Variants in UNC80 observed in about 807,000 individuals in gnomAD.
UNC80 encodes the protein unc-80 subunit of NALCN channel complex, also known as protein unc-80 homolog.
A neutral mutation model predicts 384.6 loss-of-function variants in UNC80; 164 were observed. The ratio of observed to expected loss-of-function variants is 0.43; its 90% CI spans 0.38 to 0.49. The LOEUF (loss-of-function observed/expected upper bound fraction) is 0.49, where lower values mean the gene tolerates loss of function less well. Ranked by LOEUF, UNC80 falls within the 20% of genes least tolerant of loss-of-function variation. UNC80 has a pLI of 0.00. For missense variants in UNC80, 3,330 were observed against 4,143.0 expected (o/e 0.80, Z 5.39); for synonymous variants, 1,486 against 1,527.8 (o/e 0.97, Z 0.64).
chr2:209,794,741 A>G, intron 7 of UNC80: 1 of 452,552 alleles, frequency 2.2e-6, no homozygotes, highest in Non-Finnish European at 4.4e-6. Flanking sequence ...TGGGTTTATC[A>G]GGGGTTTCCA....
At chr2:209,780,719 C>T (rs1247087570) in intron 4 of UNC80, among the ~76,000 whole-genome samples, 7 of 152,138 alleles carry the variant, frequency 4.6e-5, no homozygotes, top group African/African-American at 1.7e-4. Context: ...GGGAATTGGT[C>T]CTGATTGAGA....
At chr2:209,783,931 T>G (rs1444472818) in intron 4 of UNC80, among the ~76,000 whole-genome samples, 1 of 152,160 alleles carries the variant, frequency 6.6e-6, no homozygotes, top group African/African-American at 2.4e-5. Flanking sequence ...GGGTTACTCT[T>G]CTCTTAACTC....
At chr2:209,943,321 C>T (rs78392685) in intron 44 of UNC80, 59 bp from the exon 45 acceptor site, 40,200 of 1,537,100 alleles carry the variant, frequency 0.026, 1,243 homozygotes, top group South Asian at 0.13. Flanking sequence ...GTTTTAAAAG[C>T]GAGTACAACT....
At chr2:209,848,030 C>T (rs1243525362) in intron 21 of UNC80, among the ~76,000 whole-genome samples, 2 of 151,632 alleles carry the variant, frequency 1.3e-5, no homozygotes, top group Non-Finnish European at 2.9e-5. Context: ...ACTTTATATA[C>T]TATTAAAGGG....
chr2:209,919,971 C>T (rs948781890), intron 33 of UNC80, among the ~76,000 whole-genome samples: 4 of 152,082 alleles, frequency 2.6e-5, no homozygotes, highest in Middle Eastern at 3.2e-3. Context: ...TATAATAAAC[C>T]AGCTTAGCTA....
chr2:209,811,694 C>T (rs1371703466), intron 7 of UNC80, among the ~76,000 whole-genome samples: 1 of 152,180 alleles, frequency 6.6e-6, no homozygotes, highest in Non-Finnish European at 1.5e-5. Context: ...GTTTGAACTT[C>T]AGTTTATATT....
rs532412229 is a variant in UNC80, at chr2:209,922,393, C to T, written c.5662+10C>T. ...GCCGTCAGTGCTGAAGGTGTGTCCT[C>T]TTGCATACGTTTTATTTCTCCTGAC... On this transcript the variant is annotated intron_variant, in intron 35 of 64. Coordinates refer to ENST00000673920, the MANE Select transcript of UNC80 (RefSeq NM_001371986.1). The T allele has an allele frequency of 1.3e-6, 2 of 1,550,530 alleles. No homozygotes were observed. The highest frequency in any genetic ancestry group is 1.7e-6 in the Non-Finnish European group (2 of 1,146,228).
intron 21 of UNC80, 98 bp from the exon 22 acceptor site, chr2:209,849,353 G>T: frequency 2.2e-6 from 3 of 1,378,872 alleles, no homozygotes; most frequent in Non-Finnish European, 3.0e-6. Context: ...GGCCAACACT[G>T]TAGAAAACAC....
chr2:209,772,444 G>A (rs1158899875), intron 1 of UNC80, among the ~76,000 whole-genome samples: 1 of 152,026 alleles, frequency 6.6e-6, no homozygotes. Flanking sequence ...AGCCTGGGAA[G>A]AGGGGGCGGG....
chr2:209,880,945 C>G lies in UNC80; in HGVS notation c.3977-16C>G. 6.4e-7 allele frequency: 1 copy of G among 1,550,520 alleles called. No homozygotes were observed. The highest frequency in any genetic ancestry group is 1.2e-5 in the South Asian group (1 of 83,866). ...GTTGATTTGTCTCCTTATGAAAGAACACTTTCATTTCCTAGGTACTGTGAA... is the reference window on the plus strand; with the variant it reads ...GTTGATTTGTCTCCTTATGAAAGAAGACTTTCATTTCCTAGGTACTGTGAA... On this transcript the variant is annotated splice_polypyrimidine_tract_variant and intron_variant, in intron 24 of 64. Transcript: ENST00000673920.
At chr2:209,805,158 A>G (rs1364442390) in intron 7 of UNC80, among the ~76,000 whole-genome samples, 3 of 152,216 alleles carry the variant, frequency 2.0e-5, no homozygotes, top group Non-Finnish European at 4.4e-5. Context: ...GGCACCTTCA[A>G]CATTTTATTT....
intron 52 of UNC80, chr2:209,968,803 C>T (rs913761828): frequency 6.6e-6 from 1 of 152,016 alleles, no homozygotes; most frequent in African/African-American, 2.4e-5. Flanking sequence ...TTATGCTTCC[C>T]GAAAGTAGAT....
intron 39 of UNC80, among the ~76,000 whole-genome samples, chr2:209,935,310 G>A (rs1481969450): frequency 6.6e-6 from 1 of 152,104 alleles, no homozygotes; most frequent in Non-Finnish European, 1.5e-5. Flanking sequence ...AATTATGCAT[G>A]TAAAAGACAG....
intron 7 of UNC80, among the ~76,000 whole-genome samples, chr2:209,808,630 C>T (rs2153826856): frequency 6.6e-6 from 1 of 152,154 alleles, no homozygotes; most frequent in South Asian, 2.1e-4. Context: ...AGGCACGCCT[C>T]CAATTGGCGC....
chr2:209,788,210 A>C (rs1462428238), intron 5 of UNC80, among the ~76,000 whole-genome samples: 1 of 152,176 alleles, frequency 6.6e-6, no homozygotes, highest in South Asian at 2.1e-4. Flanking sequence ...TGAGGTCAGG[A>C]GTTAGAGACC....
chr2:209,786,132 C>T lies in UNC80; in HGVS notation c.667C>T (p.Gln223Ter). The T allele has an allele frequency of 6.2e-7, 1 of 1,614,096 alleles. No homozygotes were observed. The highest frequency in any genetic ancestry group is 8.5e-7 in the Non-Finnish European group (1 of 1,179,990). Reference protein sequence around the residue: ...VIWQPMWEHRQPGVSGFTALV... With the variant: ...VIWQPMWEHR ...ATGGCAGCCCATGTGGGAACACAGA[C>T]AGCCCGGAGTCTCTGGCTTTACCGC... Residue 223 changes from glutamine to a stop codon, truncating the protein, a stop_gained, in exon 5 of 65, where the codon CAG (glutamine) becomes TAG (stop). Coordinates refer to ENST00000673920, the MANE Select transcript of UNC80 (RefSeq NM_001371986.1). LOFTEE classifies it high-confidence loss of function.
intron 22 of UNC80, among the ~76,000 whole-genome samples, chr2:209,854,758 A>G (rs188183529): frequency 1.3e-5 from 2 of 152,336 alleles, no homozygotes; most frequent in Admixed American, 1.3e-4. Flanking sequence ...ACCATCTCAC[A>G]CCAGTCGGAA....
At chr2:209,816,519 G>A (rs1395019834) in intron 9 of UNC80, among the ~76,000 whole-genome samples, 1 of 152,210 alleles carries the variant, frequency 6.6e-6, no homozygotes, top group African/African-American at 2.4e-5. Context: ...AAACTTTAGT[G>A]TGCATCAGAA....
rs557296558 is a variant in UNC80 at position 209,774,215 on chromosome 2, T to A, written c.141+1073T>A. On this transcript the variant is annotated intron_variant, in intron 2 of 64. Coordinates refer to ENST00000673920, the MANE Select transcript of UNC80 (RefSeq NM_001371986.1). ...ACATGCCCACTCACGTAGGAATTTG[T>A]TTTGTTGCATCTCCTATCTTTCAAT... Among the ~76,000 whole-genome samples, 23 of 152,352 alleles carry A rather than the reference T, an allele frequency of 1.5e-4. No homozygotes were observed. The South Asian group carries it at 4.6e-3, about 30-fold the overall frequency.
Sources: gnomAD v4.1 joint callset for allele counts (sites outside exome capture counted in the v4.1 genomes callset) on GRCh38, gnomAD v4.1.1 for gene constraint, MANE v1.5 for transcripts, NCBI Gene and HGNC (gene_info 2026-07-23, HGNC 2026-07-21) for gene names.